The following DYM variants were observed in gnomAD, a reference collection of about 807,000 sequenced individuals.
The protein encoded by DYM is dyggve-Melchior-Clausen syndrome protein.
In DYM, 78 loss-of-function variants were observed where a neutral mutation model predicts 93.1. The ratio of observed to expected loss-of-function variants is 0.84; its 90% CI spans 0.70 to 1.01. The LOEUF is 1.01. Ranked by LOEUF, DYM falls within the 50% of genes least tolerant of loss-of-function variation. DYM has a pLI of 0.00. For synonymous variants in DYM, 321 were observed against 319.7 expected (o/e 1.00, Z -0.04); for missense variants, 789 against 845.0 (o/e 0.93, Z 0.82).
At chr18:49,173,269 T>C (rs1382396236) in intron 14 of DYM, among the ~76,000 whole-genome samples, 8 of 152,184 alleles carry the variant, frequency 5.3e-5, no homozygotes, top group African/African-American at 1.7e-4. Context: ...AACTTAGGCT[T>C]TGTCAAAATT....
At chr18:49,383,359 A>T (rs2068241515) in intron 3 of DYM, among the ~76,000 whole-genome samples, 1 of 152,066 alleles carries the variant, frequency 6.6e-6, no homozygotes. Flanking sequence ...GTGGAGGGAG[A>T]GGTAGAAAGA....
chr18:49,090,546 G>A (rs1470443555), intron 17 of DYM, among the ~76,000 whole-genome samples: 1 of 152,212 alleles, frequency 6.6e-6, no homozygotes, highest in Non-Finnish European at 1.5e-5. Context: ...CTGGTGGACG[G>A]TGTCAGGCAC....
intron 17 of DYM, among the ~76,000 whole-genome samples, chr18:49,046,950 A>G (rs1052516462): frequency 3.3e-5 from 5 of 152,198 alleles, no homozygotes; most frequent in African/African-American, 1.2e-4. Flanking sequence ...AAAACCAACT[A>G]AAAACATCTA....
intron 14 of DYM, among the ~76,000 whole-genome samples, chr18:49,170,917 A>C (rs964756256): frequency 1.3e-5 from 2 of 152,126 alleles, no homozygotes; most frequent in Non-Finnish European, 2.9e-5. Context: ...GGAAGCCAAG[A>C]GAACAATTTT....
At chr18:49,140,125 A>G (rs892655041) in intron 15 of DYM, among the ~76,000 whole-genome samples, 1 of 152,176 alleles carries the variant, frequency 6.6e-6, no homozygotes, top group African/African-American at 2.4e-5. Context: ...GCTCTACATA[A>G]GTAACATAAT....
At chr18:49,093,632 T>C (rs545941047) in intron 17 of DYM, among the ~76,000 whole-genome samples, 70 of 152,282 alleles carry the variant, frequency 4.6e-4, no homozygotes, top group Non-Finnish European at 3.4e-4. Context: ...TGGCTATTCA[T>C]ATTTCCACAG....
chr18:49,292,312 A>ACAGACAGG (rs1491459614), intron 8 of DYM, among the ~76,000 whole-genome samples: 46 of 110,974 alleles, frequency 4.1e-4, no homozygotes, highest in Middle Eastern at 4.3e-3. Flanking sequence ...AGACAGACAG[A>ACAGACAGG]CAGGCAGGCA....
At chr18:49,097,750 G>A (rs924403030) in intron 16 of DYM, among the ~76,000 whole-genome samples, 1 of 152,134 alleles carries the variant, frequency 6.6e-6, no homozygotes, top group Non-Finnish European at 1.5e-5. Context: ...GTAGCCTCCT[G>A]AATTCTACTC....
intron 8 of DYM, among the ~76,000 whole-genome samples, chr18:49,325,542 T>C (rs1407426756): frequency 1.3e-5 from 2 of 152,136 alleles, no homozygotes; most frequent in Non-Finnish European, 2.9e-5. Context: ...GCTGTAATTA[T>C]GGGCCACACA....
chr18:49,458,279 G>C (rs9951172), intron 1 of DYM, among the ~76,000 whole-genome samples: 16,858 of 151,802 alleles, frequency 0.11, 1,127 homozygotes, highest in Middle Eastern at 0.21. Context: ...TCATTAAAAA[G>C]CCTACCAAAG....
At chr18:49,449,310 A>T (rs1275569888) in intron 1 of DYM, among the ~76,000 whole-genome samples, 2 of 152,248 alleles carry the variant, frequency 1.3e-5, no homozygotes, top group Non-Finnish European at 2.9e-5. Context: ...GGCAGCAAAG[A>T]AATTGAAAGA....
intron 13 of DYM, among the ~76,000 whole-genome samples, chr18:49,213,780 C>G (rs922820164): frequency 1.3e-5 from 2 of 151,948 alleles, no homozygotes; most frequent in Non-Finnish European, 2.9e-5. Flanking sequence ...ATTAGTAGAC[C>G]CATTAGTAGA....
intron 2 of DYM, among the ~76,000 whole-genome samples, chr18:49,395,506 G>A (rs2069951614): frequency 6.6e-6 from 1 of 151,946 alleles, no homozygotes; most frequent in South Asian, 2.1e-4. Context: ...GCTCATGCCT[G>A]TAATTACAGC....
At chr18:49,100,921 G>A (rs2080072539) in intron 16 of DYM, among the ~76,000 whole-genome samples, 1 of 152,174 alleles carries the variant, frequency 6.6e-6, no homozygotes, top group African/African-American at 2.4e-5. Flanking sequence ...CATTAGCTTA[G>A]TTTTTCAAAT....
chr18:49,057,440 C>T (rs900845881), intron 17 of DYM, among the ~76,000 whole-genome samples: 3 of 152,188 alleles, frequency 2.0e-5, no homozygotes, highest in African/African-American at 4.8e-5. Context: ...GCCTGTGGCA[C>T]GATGGGGCCA....
chr18:49,078,554 G>A lies in DYM; in HGVS notation c.2025+18848C>T, dbSNP rs528675502. Among the ~76,000 whole-genome samples, 13 of 152,098 alleles carry A rather than the reference G, an allele frequency of 8.5e-5. No homozygotes were observed. The South Asian group carries it at 2.7e-3, about 32-fold the overall frequency. On this transcript the variant is annotated intron_variant, in intron 17 of 17. Transcript: ENST00000675505. ...TGATAATTTTGGTTATTCCCTTCCG[G>A]CTCTTTCCCTTCTGGGATTCTTCTA...
At chr18:49,143,437 T>TA (rs1470007041) in intron 15 of DYM, among the ~76,000 whole-genome samples, 1 of 152,196 alleles carries the variant, frequency 6.6e-6, no homozygotes, top group Non-Finnish European at 1.5e-5. Flanking sequence ...AGGTCACTAA[T>TA]ATTTACACAG....
Position 49,195,916 on chromosome 18 carries a change from C to CTTTTTTTTTTTTTTTTTTT in DYM, c.1625+13616_1625+13634dup, listed in dbSNP as rs540189318. Among the ~76,000 whole-genome samples, 15 of 84,036 alleles carry CTTTTTTTTTTTTTTTTTTT rather than the reference C, an allele frequency of 1.8e-4. 1 individual carries two copies. The highest frequency in any genetic ancestry group is 8.5e-4 in the African/African-American group (15 of 17,746). The allele number at this position is 84,036 out of a possible 152,430, so 55.1% of individuals were successfully genotyped here. Reference sequence around the variant, plus strand: ...ATTATGCTCTCTTGAATGCTACCATCTTTTTTTTTTTTTTTTTTTTTTTTT... The same window carrying CTTTTTTTTTTTTTTTTTTT: ...ATTATGCTCTCTTGAATGCTACCATCTTTTTTTTTTTTTTTTTTTTTTTTTTTTTTTTTTTTTTTTTTTT... On this transcript the variant is annotated intron_variant, in intron 14 of 17. Transcript: ENST00000675505.
At position 49,039,040 on chromosome 18, in the gene DYM, C is replaced by T. The variant is rs140761479; in HGVS notation, c.*5015G>A. Among the ~76,000 whole-genome samples the T allele has an allele frequency of 3.3e-5, 5 of 152,274 alleles. No individual in the cohort carries two copies. The highest frequency in any genetic ancestry group is 2.1e-4 in the South Asian group (1 of 4,822). ...AATCTTTCCTAGGGCTCTGTCCTTA[C>T]GTTTGGGATTATTTTCCTTCTGCCT... On this transcript the variant is annotated 3_prime_UTR_variant, in exon 18 of 18. Transcript: ENST00000675505.
Sources: gnomAD v4.1 joint callset for allele counts (sites outside exome capture counted in the v4.1 genomes callset) on GRCh38, gnomAD v4.1.1 for gene constraint, MANE v1.5 for transcripts, NCBI Gene and HGNC (gene_info 2026-07-23, HGNC 2026-07-21) for gene names.